Variants in PRKG1 observed in about 807,000 individuals in gnomAD.
PRKG1 encodes the protein cGMP-dependent protein kinase 1.
In PRKG1, 35 loss-of-function variants were observed where a neutral mutation model predicts 88.1. The ratio of observed to expected loss-of-function variants is 0.40; its 90% CI spans 0.30 to 0.53. The LOEUF is 0.53. PRKG1 is among the 20% of genes least tolerant of loss of function. The pLI is 0.59. For missense variants in PRKG1, 540 were observed against 839.8 expected (o/e 0.64, Z 4.41); for synonymous variants, 303 against 292.5 (o/e 1.04, Z -0.37).
At chr10:51,594,962 T>A (rs931432707) in intron 3 of PRKG1, among the ~76,000 whole-genome samples, 1 of 152,148 alleles carries the variant, frequency 6.6e-6, no homozygotes, top group Non-Finnish European at 1.5e-5. Flanking sequence ...ATATTAAGGG[T>A]CTTTCAGTTT....
intron 2 of PRKG1, among the ~76,000 whole-genome samples, chr10:51,404,907 A>G (rs1837863171): frequency 6.6e-6 from 1 of 152,204 alleles, no homozygotes; most frequent in Non-Finnish European, 1.5e-5. Context: ...ATGTTGGAGA[A>G]AATGGTGAAC....
chr10:51,430,528 T>C (rs1001555221), intron 2 of PRKG1, among the ~76,000 whole-genome samples: 5 of 152,176 alleles, frequency 3.3e-5, no homozygotes, highest in Non-Finnish European at 7.3e-5. Flanking sequence ...TAAAATGATA[T>C]AGCCTCTTTG....
chr10:51,827,909 G>A (rs1839915583), intron 4 of PRKG1, among the ~76,000 whole-genome samples: 1 of 152,018 alleles, frequency 6.6e-6, no homozygotes, highest in Non-Finnish European at 1.5e-5. Context: ...AAGAAGTACA[G>A]GTTTTCTCTG....
At chr10:51,358,603 T>G (rs556957767) in intron 2 of PRKG1, among the ~76,000 whole-genome samples, 1 of 151,882 alleles carries the variant, frequency 6.6e-6, no homozygotes, top group Non-Finnish European at 1.5e-5. Flanking sequence ...TTCAGAGAGC[T>G]TGTAGTATAA....
rs61849740 is a variant in PRKG1, at chr10:51,226,126, C to T, written c.478+72796C>T. 4.3e-3 allele frequency among the ~76,000 whole-genome samples: 658 copies of T among 152,168 alleles called. 6 individuals carry two copies. Among genetic ancestry groups the T allele is most frequent in the Non-Finnish European group, 7.0e-3 (473 of 68,016 alleles). ...GGCTGAGGCATGAGAATTACTTGAACCCGGGATTCAGAGGTTGCAGTGACC... is the reference window on the plus strand; with the variant it reads ...GGCTGAGGCATGAGAATTACTTGAATCCGGGATTCAGAGGTTGCAGTGACC... On this transcript the variant is annotated intron_variant, in intron 2 of 17. Transcript: ENST00000373980.
intron 3 of PRKG1, among the ~76,000 whole-genome samples, chr10:51,592,191 T>C (rs1212633298): frequency 6.6e-6 from 1 of 152,140 alleles, no homozygotes; most frequent in African/African-American, 2.4e-5. Context: ...TTCGAGGAAA[T>C]CAAAAGAGGC....
chr10:51,389,845 C>T (rs565092583), intron 2 of PRKG1, among the ~76,000 whole-genome samples: 4 of 152,250 alleles, frequency 2.6e-5, no homozygotes, highest in African/African-American at 4.8e-5. Context: ...GCAGCCCAAT[C>T]GGACAGCTGT....
intron 3 of PRKG1, among the ~76,000 whole-genome samples, chr10:51,515,958 A>G (rs933443195): frequency 5.9e-5 from 9 of 152,130 alleles, no homozygotes; most frequent in African/African-American, 1.9e-4. Flanking sequence ...CACAGACAGC[A>G]TTGTGTTATC....
intron 14 of PRKG1, among the ~76,000 whole-genome samples, chr10:52,286,648 C>T (rs1842122638): frequency 6.6e-6 from 1 of 151,716 alleles, no homozygotes; most frequent in Non-Finnish European, 1.5e-5. Context: ...ATACTTATTT[C>T]TCATCATTAA....
chr10:52,106,598 A>C (rs1847428236), intron 7 of PRKG1, among the ~76,000 whole-genome samples: 1 of 151,774 alleles, frequency 6.6e-6, no homozygotes, highest in Admixed American at 6.6e-5. Flanking sequence ...GGGAAGCATT[A>C]AGACATGCAG....
intron 2 of PRKG1, among the ~76,000 whole-genome samples, chr10:51,416,062 ATGAT>A (rs1226217551): frequency 5.9e-5 from 9 of 152,184 alleles, no homozygotes; most frequent in Non-Finnish European, 1.2e-4. Context: ...AGATCAGAAA[ATGAT>A]TGTATTATGT....
chr10:51,696,435 A>G (rs978637756), intron 3 of PRKG1: 5 of 151,924 alleles, frequency 3.3e-5, no homozygotes, highest in African/African-American at 1.2e-4. Context: ...TTTGGGAAGG[A>G]TGTAAGAGAA....
At chr10:51,946,436 G>C (rs571609437) in intron 5 of PRKG1, among the ~76,000 whole-genome samples, 1 of 151,826 alleles carries the variant, frequency 6.6e-6, no homozygotes, top group Non-Finnish European at 1.5e-5. Flanking sequence ...TAGTTTGATC[G>C]CCTGAAGCCT....
intron 7 of PRKG1, among the ~76,000 whole-genome samples, chr10:52,080,766 A>G (rs529267480): frequency 6.6e-6 from 1 of 151,942 alleles, no homozygotes; most frequent in Non-Finnish European, 1.5e-5. Context: ...AATGAATTTA[A>G]TTTATTTAAA....
At chr10:51,554,591 T>C (rs1837261813) in intron 3 of PRKG1, among the ~76,000 whole-genome samples, 2 of 151,416 alleles carry the variant, frequency 1.3e-5, no homozygotes, top group Non-Finnish European at 3.0e-5. Context: ...CTATCTTGAT[T>C]CTTCCTCTGT....
chr10:52,241,277 G>A (rs1408091109), intron 9 of PRKG1, among the ~76,000 whole-genome samples: 1 of 152,122 alleles, frequency 6.6e-6, no homozygotes, highest in African/African-American at 2.4e-5. Flanking sequence ...GGATTGGGAA[G>A]GGGACGATTG....
intron 2 of PRKG1, among the ~76,000 whole-genome samples, chr10:51,360,512 TTCTGA>T (rs1370510305): frequency 1.3e-5 from 2 of 151,932 alleles, no homozygotes; most frequent in African/African-American, 4.8e-5. Flanking sequence ...AATTTAAATG[TTCTGA>T]TTTTCAGTTT....
intron 4 of PRKG1, among the ~76,000 whole-genome samples, chr10:51,902,503 T>C (rs1193843632): frequency 6.6e-6 from 1 of 152,214 alleles, no homozygotes; most frequent in Non-Finnish European, 1.5e-5. Context: ...ATAAATGTTT[T>C]AAAAATATGT....
At chr10:51,426,053 A>T (rs905429072) in intron 2 of PRKG1, among the ~76,000 whole-genome samples, 3 of 152,180 alleles carry the variant, frequency 2.0e-5, no homozygotes, top group Admixed American at 6.5e-5. Flanking sequence ...AGGCGGGCGG[A>T]TCACTTGAGG....
Sources: allele counts gnomAD v4.1 joint callset (sites outside exome capture counted in the v4.1 genomes callset), GRCh38; gene constraint gnomAD v4.1.1; transcripts MANE v1.5; gene names NCBI Gene and HGNC (gene_info 2026-07-23, HGNC 2026-07-21).